PIK3R3: variants seen among roughly 807,000 people sequenced by gnomAD.
PIK3R3 encodes phosphatidylinositol 3-kinase regulatory subunit gamma.
Under a neutral mutation model 62.9 loss-of-function variants are expected in PIK3R3, and 64 were observed. That is an observed-to-expected ratio of 1.02 (90% CI 0.83 to 1.25). PIK3R3 has a LOEUF of 1.25. Among genes scored for constraint, PIK3R3 ranks in the 50% most tolerant of loss-of-function variants. PIK3R3 has a pLI of 0.00. For synonymous variants in PIK3R3, 165 were observed against 189.0 expected (o/e 0.87, Z 1.04); for missense variants, 614 against 561.6 (o/e 1.09, Z -0.94).
intron 1 of PIK3R3, among the ~76,000 whole-genome samples, chr1:46,087,592 CTTTTT>C (rs35296719): frequency 1.4e-4 from 14 of 100,358 alleles, no homozygotes; most frequent in Admixed American, 4.9e-4. Flanking sequence ...ACATATTCAT[CTTTTT>C]TTTTTTTTTT....
rs748855044 is a variant in PIK3R3 at position 46,043,813 on chromosome 1, C to T, written c.1246G>A (p.Ala416Thr). Residue 416 changes from alanine (A) to threonine (T), a missense_variant, in exon 10 of 10, where the codon GCA (alanine) becomes ACA (threonine). Coordinates refer to ENST00000262741, the MANE Select transcript of PIK3R3 (RefSeq NM_003629.4). ...IYSTARGYGF[A>T]EPYNLYSSLK... ...GAGCTGTACAGGTTGTAGGGCTCTGCAAAGCCATAGCCCCGAGCAGTGCTG... is the reference window on the plus strand; with the variant it reads ...GAGCTGTACAGGTTGTAGGGCTCTGTAAAGCCATAGCCCCGAGCAGTGCTG... 2 of 1,614,102 alleles carry T rather than the reference C, an allele frequency of 1.2e-6. No individual in the cohort carries two copies. The highest frequency in any genetic ancestry group is 2.2e-5 in the South Asian group (2 of 91,084).
Position 46,062,036 on chromosome 1 carries a change from A to G in PIK3R3, c.657T>C (p.Phe219=). ...IQMKRTAIEA[F]NETIKIFEEQ... ...CTTCAAATATTTTAATTGTTTCATTAAAAGCTTCTATTGCAGTCCTCTTCA... is the reference window on the plus strand; with the variant it reads ...CTTCAAATATTTTAATTGTTTCATTGAAAGCTTCTATTGCAGTCCTCTTCA... Residue 219 remains phenylalanine (F), a synonymous_variant, in exon 6 of 10, where the codon TTT becomes TTC. Transcript: ENST00000262741. 6.2e-7 allele frequency: 1 copy of G among 1,612,348 alleles called. No homozygotes were observed. The highest frequency in any genetic ancestry group is 1.1e-5 in the South Asian group (1 of 90,984).
intron 5 of PIK3R3, among the ~76,000 whole-genome samples, chr1:46,063,413 C>A (rs1648697416): frequency 6.6e-6 from 1 of 152,144 alleles, no homozygotes; most frequent in Non-Finnish European, 1.5e-5. Context: ...ACTAGAATTC[C>A]CATATGCCAA....
chr1:46,046,030 A>C lies in PIK3R3; in HGVS notation c.1075T>G (p.Phe359Val). The change falls in exon 9 of 10, where the codon TTT becomes GTT. Residue 359 changes from phenylalanine (F) to valine (V), a missense_variant. Transcript: ENST00000262741. ...NLPHYDEKTW[F>V]VEDINRVQAE... ...TGTACTCGATTGATATCCTCAACAA[A>C]CCAGGTTTTCTCATCATAATGGGGC... 1 of 1,612,266 alleles carries C rather than the reference A, an allele frequency of 6.2e-7. No individual in the cohort carries two copies. The highest frequency in any genetic ancestry group is 8.5e-7 in the Non-Finnish European group (1 of 1,178,562).
In PIK3R3 at chr1:46,131,916, C is replaced by T. The variant is rs771431827; in HGVS notation, c.37G>A (p.Ala13Thr). 1 of 1,613,446 alleles carries T rather than the reference C, an allele frequency of 6.2e-7. No individual in the cohort carries two copies. The highest frequency in any genetic ancestry group is 8.5e-7 in the Non-Finnish European group (1 of 1,179,644). ...GGCATCATCACCTCCCTCCAGTCTG[C>T]GTCATCGCGGTCCATACTCCACACC... ...NTVWSMDRDD[A>T]DWREVMMPYS... Residue 13 changes from alanine to threonine, a missense_variant, in exon 1 of 10, where the codon GCA becomes ACA. Physicochemically the swap from Ala to Thr is moderately conservative, Grantham distance 58. Coordinates refer to ENST00000262741, the MANE Select transcript of PIK3R3 (RefSeq NM_003629.4).
At chr1:46,046,208 T>G in intron 8 of PIK3R3, 120 bp from the exon 9 acceptor site, 1 of 651,544 alleles carries the variant, frequency 1.5e-6, no homozygotes, top group East Asian at 2.8e-5. Context: ...TTGCAATTAT[T>G]TGGGTGTTAA....
At chr1:46,133,218 AAAAG>A (rs986393293), upstream of PIK3R3, among the ~76,000 whole-genome samples, 4 of 152,212 alleles carry the variant, frequency 2.6e-5, no homozygotes, top group African/African-American at 4.8e-5. Context: ...AGGAGGAAAA[AAAAG>A]AAAGAAAGAA....
rs1257301878 is a variant in PIK3R3, at chr1:46,071,744, G to T, written c.315-4653C>A. 1.3e-4 allele frequency among the ~76,000 whole-genome samples: 15 copies of T among 116,460 alleles called. 1 individual carries two copies. The highest frequency in any genetic ancestry group is 8.3e-4 in the South Asian group (3 of 3,596). The allele number at this position is 116,460 out of a possible 152,430, so 76.4% of individuals were successfully genotyped here. A position where few individuals can be genotyped will look rare whatever the true frequency, so the allele number is the denominator to read the frequency against. ...ATATATATATATAGAGAGAGAGAGA[G>T]AGAGAGAGAGAGAGAGCGCGCGCCT... On this transcript the variant is annotated intron_variant, in intron 3 of 9. Transcript: ENST00000262741.
chr1:46,140,139 C>T, the PIK3R3 span, among the ~76,000 whole-genome samples: 1 of 152,180 alleles, frequency 6.6e-6, no homozygotes, highest in Non-Finnish European at 1.5e-5. Context: ...CAGATGCACA[C>T]CACCATGCCT....
upstream of PIK3R3, among the ~76,000 whole-genome samples, chr1:46,136,024 AG>A (rs1234630113): frequency 2.2e-5 from 3 of 135,966 alleles, no homozygotes; most frequent in African/African-American, 8.4e-5. Flanking sequence ...GGCGAGACTC[AG>A]TCTCAAAAAA....
At chr1:46,098,950 C>T (rs1400194212) in intron 1 of PIK3R3, among the ~76,000 whole-genome samples, 1 of 152,156 alleles carries the variant, frequency 6.6e-6, no homozygotes, top group Non-Finnish European at 1.5e-5. Context: ...GATCCTCCCA[C>T]CTCAGTCTCC....
chr1:46,138,009 C>T (rs1470934350), upstream of PIK3R3, among the ~76,000 whole-genome samples: 1 of 152,208 alleles, frequency 6.6e-6, no homozygotes, highest in East Asian at 1.9e-4. Flanking sequence ...ACCCTAGGGT[C>T]TTCACCACAG....
intron 3 of PIK3R3, among the ~76,000 whole-genome samples, chr1:46,076,174 C>A (rs1385738116): frequency 6.6e-6 from 1 of 152,094 alleles, no homozygotes. Context: ...GGTAATCCAG[C>A]CAAATTGACA....
At chr1:46,057,780 G>C (rs541680838) in intron 6 of PIK3R3, among the ~76,000 whole-genome samples, 20 of 152,294 alleles carry the variant, frequency 1.3e-4, no homozygotes, top group Admixed American at 6.5e-4. Flanking sequence ...GCTCTTAAAA[G>C]CATTCAGTTT....
At chr1:46,101,171 CAAAAAAA>C (rs1171228788) in intron 1 of PIK3R3, among the ~76,000 whole-genome samples, 5 of 73,562 alleles carry the variant, frequency 6.8e-5, no homozygotes, top group East Asian at 4.5e-4. Flanking sequence ...GACTCCGTCT[CAAAAAAA>C]AAAAAAAAAA....
At chr1:46,172,380 A>G in the PIK3R3 span, among the ~76,000 whole-genome samples, 1 of 152,138 alleles carries the variant, frequency 6.6e-6, no homozygotes, top group Non-Finnish European at 1.5e-5. Context: ...TGTAATCCCA[A>G]CATTTTGGGA....
At chr1:46,161,513 C>T in the PIK3R3 span, among the ~76,000 whole-genome samples, 14 of 152,122 alleles carry the variant, frequency 9.2e-5, no homozygotes, top group Non-Finnish European at 1.3e-4. Flanking sequence ...CAATATATGT[C>T]AAGATCCTTA....
the PIK3R3 span, among the ~76,000 whole-genome samples, chr1:46,152,548 G>A: frequency 1.6e-3 from 235 of 150,072 alleles, no homozygotes; most frequent in African/African-American, 5.4e-3. Flanking sequence ...TGGATTGTAC[G>A]CTGATTAACA....
At chr1:46,140,488 G>A in the PIK3R3 span, among the ~76,000 whole-genome samples, 1 of 152,078 alleles carries the variant, frequency 6.6e-6, no homozygotes, top group Non-Finnish European at 1.5e-5. Context: ...TTTGGAAGAG[G>A]GTCTTTGCAG....
Sources: gnomAD v4.1 joint callset for allele counts (sites outside exome capture counted in the v4.1 genomes callset) on GRCh38, gnomAD v4.1.1 for gene constraint, MANE v1.5 for transcripts, NCBI Gene and HGNC (gene_info 2026-07-23, HGNC 2026-07-21) for gene names.